COL6A6: variants seen among roughly 807,000 people sequenced by gnomAD.
The protein encoded by COL6A6 is collagen alpha-6(VI) chain.
In COL6A6, 183 loss-of-function variants were observed where a neutral mutation model predicts 208.6. That is an observed-to-expected ratio of 0.88 (90% confidence interval 0.78 to 0.99). COL6A6 has a LOEUF of 0.99. Among genes scored for constraint, COL6A6 ranks in the 50% least tolerant of loss-of-function variants. The pLI, the probability that COL6A6 is intolerant of heterozygous loss-of-function variation, is 0.00. For missense variants in COL6A6, 2,816 were observed against 2,815.2 expected (o/e 1.00, Z -0.01); for synonymous variants, 973 against 1,011.8 (o/e 0.96, Z 0.73).
intron 6 of COL6A6, 29 bp from the exon 7 acceptor site, chr3:130,570,789 T>G: frequency 6.4e-7 from 1 of 1,559,440 alleles, no homozygotes; most frequent in Non-Finnish European, 8.7e-7. Flanking sequence ...GCTAATCTCA[T>G]ATGGTTTACC....
At position 130,574,298 on chromosome 3, in the gene COL6A6, T is replaced by C. The variant is rs1222238286; in HGVS notation, c.3320T>C (p.Leu1107Pro). 2 of 1,614,032 alleles carry C rather than the reference T, an allele frequency of 1.2e-6. No homozygotes were observed. The highest frequency in any genetic ancestry group is 1.7e-6 in the Non-Finnish European group (2 of 1,179,898). Reference protein sequence around the residue: ...RINTGTPQVLLVLTDGQSQDE... With the variant: ...RINTGTPQVLPVLTDGQSQDE... Reference sequence around the variant, plus strand: ...AATACAGGTACCCCACAGGTGCTGCTGGTCCTTACAGATGGCCAGTCCCAA... The same window carrying C: ...AATACAGGTACCCCACAGGTGCTGCCGGTCCTTACAGATGGCCAGTCCCAA... The change falls in exon 8 of 37, where the codon CTG becomes CCG. Residue 1107 changes from leucine to proline, a missense_variant. Physicochemically the swap from Leu to Pro is moderately conservative, Grantham distance 98. Coordinates refer to ENST00000358511, the MANE Select transcript of COL6A6 (RefSeq NM_001102608.3).
At chr3:130,664,937 C>A in intron 35 of COL6A6, 66 bp from the exon 36 acceptor site, 1 of 1,035,804 alleles carries the variant, frequency 9.7e-7, no homozygotes, top group Non-Finnish European at 1.5e-6. Context: ...ACTTTGTGTA[C>A]AGAGCAGATT....
intron 18 of COL6A6, among the ~76,000 whole-genome samples, chr3:130,595,622 G>T (rs1004102316): frequency 1.3e-5 from 2 of 152,026 alleles, no homozygotes; most frequent in African/African-American, 4.8e-5. Context: ...AATCAATGTT[G>T]TGTATAACAA....
In COL6A6 at chr3:130,594,296, A is replaced by G. The variant is rs1224114671; in HGVS notation, c.4486A>G (p.Arg1496Gly). ...DEGSQGSPGK[R>G]GTPGDRGAKG... ...TTAACTTTAGGGAAGCCCAGGGAAGAGAGGGACTCCTGGTGACCGTGGAGC... is the reference window on the plus strand; with the variant it reads ...TTAACTTTAGGGAAGCCCAGGGAAGGGAGGGACTCCTGGTGACCGTGGAGC... Residue 1496 changes from arginine to glycine, a missense_variant, in exon 18 of 37, where the codon AGA becomes GGA. Physicochemically the swap from Arg to Gly is moderately radical, Grantham distance 125 (BLOSUM62 -2). Coordinates refer to ENST00000358511, the MANE Select transcript of COL6A6 (RefSeq NM_001102608.3). 1 of 1,613,026 alleles carries G rather than the reference A, an allele frequency of 6.2e-7. No homozygotes were observed. The highest frequency in any genetic ancestry group is 8.5e-7 in the Non-Finnish European group (1 of 1,179,326).
At chr3:130,558,003 TAA>T (rs2062804318) in intron 1 of COL6A6, among the ~76,000 whole-genome samples, 1 of 152,240 alleles carries the variant, frequency 6.6e-6, no homozygotes, top group Non-Finnish European at 1.5e-5. Flanking sequence ...ATATTCAGAT[TAA>T]AGAGACATGT....
intron 11 of COL6A6, among the ~76,000 whole-genome samples, chr3:130,587,201 A>G (rs1182854202): frequency 6.6e-6 from 1 of 152,218 alleles, no homozygotes; most frequent in South Asian, 2.1e-4. Context: ...TAAACCTCAC[A>G]TGTTGTACTT....
chr3:130,658,049 T>C (rs1033888537), intron 33 of COL6A6, among the ~76,000 whole-genome samples: 8 of 152,090 alleles, frequency 5.3e-5, no homozygotes, highest in South Asian at 4.2e-4. Flanking sequence ...TGGGAAAGGG[T>C]TGGGAGTTGT....
intron 12 of COL6A6, 125 bp downstream of exon 12, chr3:130,589,307 A>C: frequency 1.7e-6 from 1 of 580,410 alleles, no homozygotes; most frequent in East Asian, 3.0e-5. Flanking sequence ...AGTTTATTAT[A>C]CTCCTCTTTT....
chr3:130,651,455 T>C (rs926448872), intron 33 of COL6A6, among the ~76,000 whole-genome samples: 28 of 146,830 alleles, frequency 1.9e-4, no homozygotes, highest in Non-Finnish European at 3.4e-4. Flanking sequence ...AAAAGAATGA[T>C]AGCTTTTGCT....
At chr3:130,647,224 G>A (rs900476908) in intron 32 of COL6A6, among the ~76,000 whole-genome samples, 1 of 152,120 alleles carries the variant, frequency 6.6e-6, no homozygotes, top group Non-Finnish European at 1.5e-5. Flanking sequence ...TGGGATTCCT[G>A]GCAGCTTGCT....
At chr3:130,654,121 A>C (rs148368021) in intron 33 of COL6A6, among the ~76,000 whole-genome samples, 147 of 152,232 alleles carry the variant, frequency 9.7e-4, no homozygotes, top group African/African-American at 3.5e-3. Flanking sequence ...CTGATAAAAA[A>C]CTCTAATCAT....
chr3:130,590,177 C>T (rs141712565), intron 12 of COL6A6: 2,404 of 189,128 alleles, frequency 0.013, 74 homozygotes, highest in African/African-American at 0.057. Flanking sequence ...ATATATAAAC[C>T]CAGATTTACA....
At chr3:130,619,149 C>T (rs1035377212) in intron 23 of COL6A6, among the ~76,000 whole-genome samples, 3 of 152,166 alleles carry the variant, frequency 2.0e-5, no homozygotes, top group South Asian at 2.1e-4. Context: ...AGGACGTGCC[C>T]GTTAAAGAAG....
chr3:130,614,810 G>A (rs1270937890), intron 23 of COL6A6, among the ~76,000 whole-genome samples: 1 of 152,076 alleles, frequency 6.6e-6, no homozygotes, highest in South Asian at 2.1e-4. Flanking sequence ...GGTGTTCATA[G>A]TAATCTCTGA....
chr3:130,532,583 A>G (rs770375518), intron 1 of COL6A6, among the ~76,000 whole-genome samples: 30 of 149,000 alleles, frequency 2.0e-4, no homozygotes, highest in Non-Finnish European at 2.5e-4. Context: ...CTACATGTCC[A>G]TCTGCCTGTG....
chr3:130,671,868 T>G (rs2066225984), intron 36 of COL6A6, among the ~76,000 whole-genome samples: 1 of 152,124 alleles, frequency 6.6e-6, no homozygotes, highest in Admixed American at 6.5e-5. Flanking sequence ...TTAGATCTAC[T>G]CAGAAACAAT....
rs767812525 is a variant in COL6A6 at position 130,568,429 on chromosome 3, A to G, written c.2226A>G (p.Ala742=). 2.5e-6 allele frequency: 4 copies of G among 1,614,026 alleles called. No individual in the cohort carries two copies. In the South Asian group the frequency reaches 4.4e-5, roughly 18 times the overall value. The change falls in exon 6 of 37, where the codon GCA becomes GCG. Residue 742 remains alanine, a synonymous_variant. Coordinates refer to ENST00000358511, the MANE Select transcript of COL6A6 (RefSeq NM_001102608.3). ...GEAQDIVKEP[A]VVLRQEGVII... is the part of the protein sequence containing the mutation. ...CTCAGGACATAGTAAAGGAACCAGC[A>G]GTAGTGCTTCGGCAAGAAGGTGTAA... is the stretch of plus-strand genomic sequence containing the variant.
At chr3:130,586,184 T>A (rs1246714618) in intron 10 of COL6A6, among the ~76,000 whole-genome samples, 1 of 152,226 alleles carries the variant, frequency 6.6e-6, no homozygotes, top group Non-Finnish European at 1.5e-5. Flanking sequence ...CAAGCTGGAT[T>A]TTCTTAGTGT....
intron 1 of COL6A6, among the ~76,000 whole-genome samples, chr3:130,522,420 G>T (rs1362510566): frequency 6.6e-6 from 1 of 152,224 alleles, no homozygotes; most frequent in African/African-American, 2.4e-5. Flanking sequence ...CTCATGTTAT[G>T]TAAAGAGGTT....
Sources: gnomAD v4.1 joint callset for allele counts (sites outside exome capture counted in the v4.1 genomes callset) on GRCh38, gnomAD v4.1.1 for gene constraint, MANE v1.5 for transcripts, NCBI Gene and HGNC (gene_info 2026-07-23, HGNC 2026-07-21) for gene names.